The following MYO1D variants were observed in gnomAD, a reference collection of about 807,000 sequenced individuals.
The protein encoded by MYO1D is unconventional myosin-Id.
A neutral mutation model predicts 122.0 loss-of-function variants in MYO1D; 83 were observed. That is an observed-to-expected ratio of 0.68 (90% CI 0.57 to 0.82). The LOEUF (loss-of-function observed/expected upper bound fraction) is 0.82. MYO1D is among the 40% of genes least tolerant of loss of function. MYO1D has a pLI of 0.00. For synonymous variants in MYO1D, 464 were observed against 446.9 expected, an observed-to-expected ratio of 1.04 and a Z score of -0.48; for missense variants, 1,157 against 1,269.5, an observed-to-expected ratio of 0.91 and a Z score of 1.35.
At chr17:32,827,241 C>T (rs1420900952) in intron 1 of MYO1D, among the ~76,000 whole-genome samples, 5 of 152,166 alleles carry the variant, frequency 3.3e-5, no homozygotes, top group Non-Finnish European at 5.9e-5. Flanking sequence ...CATGCTATAA[C>T]ATGGATAAAC....
chr17:32,809,290 TTTTG>T (rs2090548597), intron 1 of MYO1D, among the ~76,000 whole-genome samples: 1 of 152,090 alleles, frequency 6.6e-6, no homozygotes, highest in Non-Finnish European at 1.5e-5. Context: ...AACTAAATTT[TTTTG>T]TTTTTTATTC....
intron 15 of MYO1D, among the ~76,000 whole-genome samples, chr17:32,718,622 A>T (rs540171068): frequency 1.3e-5 from 2 of 151,664 alleles, no homozygotes; most frequent in East Asian, 3.9e-4. Context: ...AATCGCTTGA[A>T]CCCGGGAGGT....
chr17:32,549,149 G>A (rs551665992), intron 21 of MYO1D, among the ~76,000 whole-genome samples: 5 of 152,304 alleles, frequency 3.3e-5, no homozygotes, highest in Admixed American at 1.3e-4. Flanking sequence ...CTGGAGTTCA[G>A]TGGTGCCATC....
chr17:32,558,319 G>A (rs554066496), intron 21 of MYO1D, among the ~76,000 whole-genome samples: 1 of 152,332 alleles, frequency 6.6e-6, no homozygotes, highest in South Asian at 2.1e-4. Flanking sequence ...AGAAGATGGA[G>A]CAGCAAGGAA....
rs1272555274 is a variant in MYO1D at position 32,760,621 on chromosome 17, A to G, written c.1042T>C (p.Tyr348His). Reference sequence around the variant, plus strand: ...ACGATCCAACAAAAAAGGCGCTCATATATTGCCTGCAAGGAAAATAGCATC... The same window carrying G: ...ACGATCCAACAAAAAAGGCGCTCATGTATTGCCTGCAAGGAAAATAGCATC... ...YGRDAFAKAI[Y>H]ERLFCWIVTR... The change falls in exon 9 of 22, where the codon TAT becomes CAT. Residue 348 changes from tyrosine to histidine, a missense_variant. Transcript: ENST00000318217. 4.4e-6 allele frequency: 7 copies of G among 1,601,448 alleles called. No individual in the cohort carries two copies. Among genetic ancestry groups the G allele is most frequent in the Non-Finnish European group, 6.0e-6 (7 of 1,175,028 alleles).
intron 6 of MYO1D, 73 bp from the exon 7 acceptor site, chr17:32,767,825 A>G (rs1322861380): frequency 9.4e-7 from 1 of 1,069,088 alleles, no homozygotes; most frequent in East Asian, 2.4e-5. Flanking sequence ...TTATAAAACT[A>G]AGTTATACCA....
intron 21 of MYO1D, among the ~76,000 whole-genome samples, chr17:32,594,017 T>C (rs1170416437): frequency 6.6e-6 from 1 of 152,160 alleles, no homozygotes; most frequent in African/African-American, 2.4e-5. Context: ...AAGGGGCATA[T>C]GGACTCTTCG....
intron 21 of MYO1D, among the ~76,000 whole-genome samples, chr17:32,537,350 T>G (rs766692253): frequency 4.6e-5 from 7 of 152,212 alleles, no homozygotes; most frequent in Non-Finnish European, 1.0e-4. Flanking sequence ...GTCCATTCAT[T>G]TCCATATTGT....
chr17:32,752,560 ATAAC>A (rs1250141332), intron 11 of MYO1D, among the ~76,000 whole-genome samples: 2 of 152,344 alleles, frequency 1.3e-5, no homozygotes, highest in Admixed American at 1.3e-4. Flanking sequence ...AGGAACTCAA[ATAAC>A]TAAATAACAA....
intron 1 of MYO1D, among the ~76,000 whole-genome samples, chr17:32,846,950 G>A (rs544038213): frequency 8.5e-5 from 13 of 152,234 alleles, no homozygotes; most frequent in Admixed American, 2.0e-4. Flanking sequence ...TCACACCACT[G>A]AACTCCAGCC....
At chr17:32,721,266 G>A (rs2089507589) in intron 14 of MYO1D, 77 bp from the exon 15 acceptor site, 2 of 1,355,182 alleles carry the variant, frequency 1.5e-6, no homozygotes, top group African/African-American at 2.9e-5. Context: ...TGTAATTAGT[G>A]TTAATTGTGT....
At position 32,728,180 on chromosome 17, in the gene MYO1D, C is replaced by T. The variant is rs572150152; in HGVS notation, c.1747-6991G>A. ...GAACAATATTATTAGCAAACTTGAC[C>T]TAATGGACTTGTATAGAATATTGAA... On this transcript the variant is annotated intron_variant, in intron 14 of 21. Transcript: ENST00000318217. 9.2e-5 allele frequency among the ~76,000 whole-genome samples: 14 copies of T among 151,400 alleles called. No individual in the cohort carries two copies. In the East Asian group the frequency reaches 2.5e-3, roughly 27 times the overall value.
intron 16 of MYO1D, among the ~76,000 whole-genome samples, chr17:32,692,710 G>A (rs574277019): frequency 6.6e-6 from 1 of 152,328 alleles, no homozygotes. Flanking sequence ...CAGGGGCAGG[G>A]TGGTAGGAAG....
chr17:32,719,833 C>T (rs1406296995), intron 15 of MYO1D, among the ~76,000 whole-genome samples: 1 of 152,134 alleles, frequency 6.6e-6, no homozygotes, highest in Admixed American at 6.5e-5. Context: ...GGCTCTTGTC[C>T]ATCTCTCTGA....
At chr17:32,587,686 T>C (rs1201397187) in intron 21 of MYO1D, among the ~76,000 whole-genome samples, 1 of 152,142 alleles carries the variant, frequency 6.6e-6, no homozygotes, top group Non-Finnish European at 1.5e-5. Context: ...ATACCTGGGG[T>C]TCTTGGGCCT....
intron 21 of MYO1D, among the ~76,000 whole-genome samples, chr17:32,522,818 CT>C (rs35925304): frequency 0.66 from 87,084 of 131,268 alleles, 28,433 homozygotes; most frequent in Middle Eastern, 0.75. Context: ...TCCCCCATGT[CT>C]TTTTTTTTTT....
intron 14 of MYO1D, 79 bp from the exon 15 acceptor site, chr17:32,721,268 T>A: frequency 7.6e-7 from 1 of 1,319,992 alleles, no homozygotes; most frequent in Non-Finnish European, 1.1e-6. Flanking sequence ...TAATTAGTGT[T>A]AATTGTGTCA....
chr17:32,529,255 A>G (rs1371823922), intron 21 of MYO1D, among the ~76,000 whole-genome samples: 4 of 152,198 alleles, frequency 2.6e-5, no homozygotes, highest in African/African-American at 9.7e-5. Context: ...ATCATGAGAC[A>G]AGCTGCCCCA....
chr17:32,806,290 C>A lies in MYO1D; in HGVS notation c.96-25506G>T, dbSNP rs115628218. Among the ~76,000 whole-genome samples the A allele has an allele frequency of 7.1e-3, 1,087 of 152,136 alleles. 17 individuals carry two copies. Among genetic ancestry groups the A allele is most frequent in the African/African-American group, 0.024 (1,006 of 41,498 alleles). On this transcript the variant is annotated intron_variant, in intron 1 of 21. Transcript: ENST00000318217. ...AACAAACAAAAACAAAAAAAAGTAA[C>A]CTTATCACACCATACCTAAGGTGTT...
Sources: allele counts gnomAD v4.1 joint callset (sites outside exome capture counted in the v4.1 genomes callset), GRCh38; gene constraint gnomAD v4.1.1; transcripts MANE v1.5; gene names NCBI Gene and HGNC (gene_info 2026-07-23, HGNC 2026-07-21).